Variants in EIF4E3 observed in about 807,000 individuals in gnomAD.
EIF4E3 encodes the protein eukaryotic translation initiation factor 4E type 3.
EIF4E3 carries 26 observed loss-of-function variants against 31.7 expected under a neutral mutation model. The observed-to-expected ratio is 0.82, with a 90% confidence interval of 0.60 to 1.14. EIF4E3 has a LOEUF of 1.14. Among genes scored for constraint, EIF4E3 ranks in the 50% most tolerant of loss-of-function variants. The pLI is 0.00. For missense variants in EIF4E3, 304 were observed against 270.9 expected (o/e 1.12, Z -0.86); for synonymous variants, 128 against 107.7 (o/e 1.19, Z -1.17).
chr3:71,669,231 T>C, the EIF4E3 span, among the ~76,000 whole-genome samples: 1 of 111,408 alleles, frequency 9.0e-6, no homozygotes, highest in African/African-American at 3.5e-5. Context: ...GAGGGGACTA[T>C]CACACACCGG....
chr3:71,724,533 G>A (rs2049599677), intron 1 of EIF4E3, among the ~76,000 whole-genome samples: 1 of 152,194 alleles, frequency 6.6e-6, no homozygotes, highest in African/African-American at 2.4e-5. Context: ...TGTCCCTTGA[G>A]AAAGCCATAA....
intron 1 of EIF4E3, among the ~76,000 whole-genome samples, chr3:71,735,722 C>T (rs2049755882): frequency 6.6e-6 from 1 of 151,622 alleles, no homozygotes; most frequent in African/African-American, 2.4e-5. Flanking sequence ...ACTTAAGAGG[C>T]AGCCTGAAGT....
chr3:71,721,602 T>C (rs2049550586), intron 1 of EIF4E3, among the ~76,000 whole-genome samples: 1 of 152,104 alleles, frequency 6.6e-6, no homozygotes, highest in Non-Finnish European at 1.5e-5. Context: ...TGAGTGAGTC[T>C]CATGAGATCT....
In EIF4E3 at chr3:71,681,869, T is replaced by C. The variant is rs2048928336; in HGVS notation, c.*2813A>G. On this transcript the variant is annotated 3_prime_UTR_variant, in exon 7 of 7. Coordinates refer to ENST00000425534, the MANE Select transcript of EIF4E3 (RefSeq NM_001134651.2). ...GAAAGAGTCATCTTAATCTTTAATT[T>C]AAAGTTTATTAGAGTTGTGGTTTCC... The C allele has an allele frequency of 6.6e-6, 1 of 152,210 alleles. No individual in the cohort carries two copies. Among genetic ancestry groups the C allele is most frequent in the South Asian group, 2.1e-4 (1 of 4,828 alleles). The allele number at this position is 152,210 out of a possible 1,614,324, so 9.4% of individuals were successfully genotyped here.
intron 2 of EIF4E3, among the ~76,000 whole-genome samples, chr3:71,707,862 T>G (rs1408189643): frequency 2.0e-5 from 3 of 150,566 alleles, no homozygotes; most frequent in Non-Finnish European, 4.4e-5. Flanking sequence ...TATTAACTTC[T>G]AATTCATTCT....
downstream of EIF4E3, among the ~76,000 whole-genome samples, chr3:71,673,909 T>TTATATATA (rs796175405): frequency 8.0e-5 from 11 of 138,130 alleles, no homozygotes; most frequent in East Asian, 2.4e-4. Context: ...AATATAATAA[T>TTATATATA]TATATATATA....
chr3:71,725,504 G>GCCGCCCC, upstream of EIF4E3: 1 of 383,144 alleles, frequency 2.6e-6, no homozygotes, highest in Non-Finnish European at 3.5e-6. The surrounding 1 kb of genome is among the most constrained non-coding windows in gnomAD (Gnocchi z 6.1). Context: ...CCCGCCGCCC[G>GCCGCCCC]CCGCCCGCCG....
intron 1 of EIF4E3, among the ~76,000 whole-genome samples, chr3:71,751,646 C>T (rs937103362): frequency 6.6e-6 from 1 of 152,194 alleles, no homozygotes. Context: ...CTCCCTTGCT[C>T]AAGTGCTCAC....
the EIF4E3 span, among the ~76,000 whole-genome samples, chr3:71,664,765 C>G: frequency 1.3e-5 from 2 of 152,124 alleles, no homozygotes; most frequent in African/African-American, 2.4e-5. Flanking sequence ...ATCCCAGCTA[C>G]TCGGGAGGCT....
chr3:71,664,873 TCAAAACAAAA>T, the EIF4E3 span, among the ~76,000 whole-genome samples: 4 of 152,100 alleles, frequency 2.6e-5, no homozygotes, highest in South Asian at 6.2e-4. Flanking sequence ...AGACTCCATT[TCAAAACAAAA>T]CAAAACAAAA....
chr3:71,671,558 G>A (rs563403342), downstream of EIF4E3, among the ~76,000 whole-genome samples: 109 of 152,260 alleles, frequency 7.2e-4, no homozygotes, highest in Non-Finnish European at 1.3e-3. Flanking sequence ...GACACTTGAA[G>A]GATCTTCAAA....
intron 1 of EIF4E3, among the ~76,000 whole-genome samples, chr3:71,721,788 T>A (rs1470167155): frequency 1.3e-5 from 2 of 151,974 alleles, no homozygotes; most frequent in African/African-American, 2.4e-5. Context: ...TACCCAGTCT[T>A]GGGTAATTCT....
rs1241111502 is a variant in EIF4E3, at chr3:71,679,694, G to T, written c.*4988C>A. 1.3e-5 allele frequency: 2 copies of T among 151,982 alleles called. No individual in the cohort carries two copies. The highest frequency in any genetic ancestry group is 4.8e-5 in the African/African-American group (2 of 41,402). The allele number at this position is 151,982 out of a possible 1,614,324, so 9.4% of individuals were successfully genotyped here. On this transcript the variant is annotated 3_prime_UTR_variant, in exon 7 of 7. Transcript: ENST00000425534. ...TAGGGAATACTTATTTGATTTTTTT[G>T]ACATTTCTATGTATTAAAGGATCTC...
the EIF4E3 span, among the ~76,000 whole-genome samples, chr3:71,662,623 A>G: frequency 1.3e-5 from 2 of 152,246 alleles, no homozygotes; most frequent in Non-Finnish European, 2.9e-5. Context: ...AAGAAGAAAG[A>G]AGGCATTTTA....
rs1277732427 is a variant in EIF4E3, at chr3:71,677,696, C to T, written c.*6986G>A. 2 of 152,160 alleles carry T rather than the reference C, an allele frequency of 1.3e-5. No individual in the cohort carries two copies. The highest frequency in any genetic ancestry group is 2.9e-5 in the Non-Finnish European group (2 of 68,022). The allele number at this position is 152,160 out of a possible 1,614,324, so 9.4% of individuals were successfully genotyped here. A position where few individuals can be genotyped will look rare whatever the true frequency, so the allele number is the denominator to read the frequency against. ...GCATCACACATAAGATCCTGAATTGCTTGTTTCTGCAGGGAGAGATAGGAA... is the reference window on the plus strand; with the variant it reads ...GCATCACACATAAGATCCTGAATTGTTTGTTTCTGCAGGGAGAGATAGGAA... On this transcript the variant is annotated 3_prime_UTR_variant, in exon 7 of 7. Coordinates refer to ENST00000425534, the MANE Select transcript of EIF4E3 (RefSeq NM_001134651.2).
At chr3:71,674,589 G>T (rs2048862849), downstream of EIF4E3, among the ~76,000 whole-genome samples, 1 of 152,164 alleles carries the variant, frequency 6.6e-6, no homozygotes, top group Non-Finnish European at 1.5e-5. Flanking sequence ...TCATAAACAA[G>T]CAGTTAGAAG....
intron 3 of EIF4E3, among the ~76,000 whole-genome samples, chr3:71,697,963 T>C (rs572736986): frequency 1.3e-5 from 2 of 152,338 alleles, no homozygotes; most frequent in East Asian, 3.9e-4. Context: ...AACAGTCCTA[T>C]GTTTAGTCTT....
Position 71,679,304 on chromosome 3 carries a change from A to G in EIF4E3, c.*5378T>C, listed in dbSNP as rs527541322. 1 of 152,352 alleles carries G rather than the reference A, an allele frequency of 6.6e-6. No homozygotes were observed. Among genetic ancestry groups the G allele is most frequent in the African/African-American group, 2.4e-5 (1 of 41,584 alleles). 9.4% of individuals were successfully genotyped at this position (152,352 alleles called of 1,614,324 possible). A position where few individuals can be genotyped will look rare whatever the true frequency, so the allele number is the denominator to read the frequency against. On this transcript the variant is annotated 3_prime_UTR_variant, in exon 7 of 7. Transcript: ENST00000425534. ...CTCAATTTACTTCATGTTCAGTTCT[A>G]TAATGCAAAGTTGACACTTTAATAG... is the stretch of plus-strand genomic sequence containing the variant.
chr3:71,754,573 A>G, upstream of EIF4E3: 1 of 1,400,098 alleles, frequency 7.1e-7, no homozygotes, highest in South Asian at 1.4e-5. This position sits in a 1 kb window ranked among gnomAD's most constrained non-coding sequence, Gnocchi z 5.8. Flanking sequence ...GCCCTGGAGC[A>G]GCGGCCCGAC....
Sources: allele counts gnomAD v4.1 joint callset (sites outside exome capture counted in the v4.1 genomes callset), GRCh38; gene constraint gnomAD v4.1.1; non-coding constraint Gnocchi (gnomAD v3.1); transcripts MANE v1.5; gene names NCBI Gene and HGNC (gene_info 2026-07-23, HGNC 2026-07-21).